The following CNTROB variants were observed in gnomAD, a reference collection of about 807,000 sequenced individuals.
CNTROB encodes the protein centrobin.
Under a neutral mutation model 115.7 loss-of-function variants are expected in CNTROB, and 82 were observed. That is an observed-to-expected ratio of 0.71 (90% CI 0.59 to 0.85). The LOEUF (loss-of-function observed/expected upper bound fraction) is 0.85. CNTROB is among the 40% of genes least tolerant of loss of function. The pLI is 0.00. For synonymous variants in CNTROB, 439 were observed against 456.4 expected (o/e 0.96, Z 0.49); for missense variants, 1,014 against 1,144.4 (o/e 0.89, Z 1.64).
At chr17:7,942,553 C>T (rs1381261826) in intron 9 of CNTROB, among the ~76,000 whole-genome samples, 16 of 136,066 alleles carry the variant, frequency 1.2e-4, no homozygotes, top group African/African-American at 3.9e-4. Context: ...GCCGAGATCG[C>T]GCCACTGCAC....
Position 7,949,559 on chromosome 17 carries a change from T to C in CNTROB, c.*49T>C, listed in dbSNP as rs759125584. On this transcript the variant is annotated 3_prime_UTR_variant, in exon 19 of 19. Transcript: ENST00000563694. ...TGTTCTCTCATTGTTGTTATTTTAA[T>C]AAATGCTCATTAGTCTGTATCAGAG... The C allele has an allele frequency of 2.6e-5, 41 of 1,547,392 alleles. No homozygotes were observed. Among genetic ancestry groups the C allele is most frequent in the Non-Finnish European group, 3.3e-5 (38 of 1,145,562 alleles).
In CNTROB at chr17:7,939,470, T is replaced by C. The variant is rs1486554788; in HGVS notation, c.928-43T>C. The C allele has an allele frequency of 3.9e-6, 6 of 1,551,390 alleles. No individual in the cohort carries two copies. In the African/African-American group the frequency reaches 6.8e-5, roughly 18 times the overall value. On this transcript the variant is annotated intron_variant, in intron 7 of 18. Coordinates refer to ENST00000563694, the MANE Select transcript of CNTROB (RefSeq NM_053051.5). The surrounding 1 kb of genome is among the most constrained non-coding windows in gnomAD (Gnocchi z 4.4). ...GGTCAGAGGGCAGATCGCTGGTCTC[T>C]GAAGAGCCTACTAAGGAGCTTGGTT...
rs754418531 is a variant in CNTROB, at chr17:7,947,551, A to G, written c.1994-20A>G. ...CCCCTGAACACACTTGCACCCACCCATACCTGTTTCACTTTATAGCTGGGG... is the reference window on the plus strand; with the variant it reads ...CCCCTGAACACACTTGCACCCACCCGTACCTGTTTCACTTTATAGCTGGGG... On this transcript the variant is annotated intron_variant, in intron 13 of 18. Transcript: ENST00000563694. 1.9e-6 allele frequency: 3 copies of G among 1,589,838 alleles called. No homozygotes were observed. The highest frequency in any genetic ancestry group is 2.6e-6 in the Non-Finnish European group (3 of 1,164,094).
intron 9 of CNTROB, among the ~76,000 whole-genome samples, chr17:7,940,555 G>A (rs1254843889): frequency 1.3e-5 from 2 of 152,208 alleles, no homozygotes; most frequent in African/African-American, 2.4e-5. Flanking sequence ...GCAGGTGAAA[G>A]CTTTTGTCAG....
rs1972746625 is a variant in CNTROB, at chr17:7,933,324, GA to G, written c.246del (p.Leu83TrpfsTer5). ...AQELSRSLSV[G>X]LEKNLKKKDG... is the part of the protein sequence containing the mutation. Reference sequence around the variant, plus strand: ...GAATTGAGTCGAAGCTTGTCAGTCGGATTGGAAAAGAACTTGAAGAAAAAGG... The same window carrying G: ...GAATTGAGTCGAAGCTTGTCAGTCGGTTGGAAAAGAACTTGAAGAAAAAGG... On this transcript the variant is annotated frameshift_variant, in exon 1 of 19. Transcript: ENST00000563694. LOFTEE classifies it high-confidence loss of function. 6.2e-7 allele frequency: 1 copy of G among 1,613,738 alleles called. No homozygotes were observed. Among genetic ancestry groups the G allele is most frequent in the Non-Finnish European group, 8.5e-7 (1 of 1,179,850 alleles).
At chr17:7,934,328 A>G in intron 2 of CNTROB, 106 bp downstream of exon 2, 2 of 1,359,218 alleles carry the variant, frequency 1.5e-6, no homozygotes, top group Non-Finnish European at 2.1e-6. Context: ...AAGAGATTTC[A>G]GGAGAAAAGT....
At chr17:7,941,286 G>A (rs1486205699) in intron 9 of CNTROB, among the ~76,000 whole-genome samples, 1 of 152,186 alleles carries the variant, frequency 6.6e-6, no homozygotes, top group Non-Finnish European at 1.5e-5. Context: ...GGAGGTACCA[G>A]TGAGGCCAGC....
At position 7,934,979 on chromosome 17, in the gene CNTROB, A is replaced by C. The variant is rs1428903059; in HGVS notation, c.438-10A>C. ...TCCCAGCCCTAACATTCTCTACCTG[A>C]TTTGCTCAGCACCCGGCCCCTGCAA... On this transcript the variant is annotated splice_polypyrimidine_tract_variant and intron_variant, in intron 3 of 18. Coordinates refer to ENST00000563694, the MANE Select transcript of CNTROB (RefSeq NM_053051.5). 3.2e-6 allele frequency: 5 copies of C among 1,563,946 alleles called. No individual in the cohort carries two copies. The highest frequency in any genetic ancestry group is 1.7e-4 in the Middle Eastern group (1 of 5,824).
chr17:7,945,967 A>G lies in CNTROB; in HGVS notation c.1974A>G (p.Pro658=). ...QHSFQPLEPK[P]DLTSSTAGAF... ...CTTTCCAGCCCCTGGAGCCCAAACCAGACCTCACTTCATCCACAGGTAACT... is the reference window on the plus strand; with the variant it reads ...CTTTCCAGCCCCTGGAGCCCAAACCGGACCTCACTTCATCCACAGGTAACT... The change falls in exon 13 of 19, where the codon CCA becomes CCG. Residue 658 remains proline, a synonymous_variant. Transcript: ENST00000563694. 2 of 1,614,174 alleles carry G rather than the reference A, an allele frequency of 1.2e-6. No homozygotes were observed. Among genetic ancestry groups the G allele is most frequent in the Non-Finnish European group, 1.7e-6 (2 of 1,179,984 alleles).
chr17:7,934,586 T>G (rs1463799334), intron 3 of CNTROB, 40 bp downstream of exon 3: 9 of 1,554,908 alleles, frequency 5.8e-6, no homozygotes, highest in Non-Finnish European at 8.0e-6. Flanking sequence ...GTTTGCTTTC[T>G]TGGAAATCCA....
Position 7,934,976 on chromosome 17 carries a change from C to G in CNTROB, c.438-13C>G. On this transcript the variant is annotated splice_polypyrimidine_tract_variant and intron_variant, in intron 3 of 18. Coordinates refer to ENST00000563694, the MANE Select transcript of CNTROB (RefSeq NM_053051.5). The stretch of plus-strand genomic sequence containing the variant: ...CTTTCCCAGCCCTAACATTCTCTAC[C>G]TGATTTGCTCAGCACCCGGCCCCTG... 1 of 1,558,246 alleles carries G rather than the reference C, an allele frequency of 6.4e-7. No individual in the cohort carries two copies. The highest frequency in any genetic ancestry group is 8.7e-7 in the Non-Finnish European group (1 of 1,153,614).
In CNTROB at chr17:7,948,407, C is replaced by T; in HGVS notation, c.2380+80C>T. 8 of 1,608,440 alleles carry T rather than the reference C, an allele frequency of 5.0e-6. No individual in the cohort carries two copies. The highest frequency in any genetic ancestry group is 6.0e-6 in the Non-Finnish European group (7 of 1,175,228). On this transcript the variant is annotated intron_variant, in intron 16 of 18. Transcript: ENST00000563694. This position sits in a 1 kb window ranked among gnomAD's most constrained non-coding sequence, Gnocchi z 4.4. ...TCCAGTACAGGCACTTACAGTCCTT[C>T]TGAATTCCTGGGGAAATGGGCTGAG... is the stretch of plus-strand genomic sequence containing the variant.
At chr17:7,942,992 G>A (rs929158910) in intron 9 of CNTROB, among the ~76,000 whole-genome samples, 4 of 150,756 alleles carry the variant, frequency 2.7e-5, no homozygotes, top group African/African-American at 9.8e-5. Context: ...TAGTAGAAAC[G>A]GGGTTTCACC....
At position 7,947,962 on chromosome 17, in the gene CNTROB, T is replaced by A; in HGVS notation, c.2192T>A (p.Leu731Gln). 6.2e-7 allele frequency: 1 copy of A among 1,613,854 alleles called. No individual in the cohort carries two copies. The highest frequency in any genetic ancestry group is 1.3e-5 in the African/African-American group (1 of 75,006). ...PQNNENPSVD[L>Q]LPPKSGPLTV... Reference sequence around the variant, plus strand: ...AACAATGAGAACCCTTCTGTCGACCTGTTGCCCCCTAAGTCTGGTGAGTTC... The same window carrying A: ...AACAATGAGAACCCTTCTGTCGACCAGTTGCCCCCTAAGTCTGGTGAGTTC... The change falls in exon 15 of 19, where the codon CTG (leucine) becomes CAG (glutamine). Residue 731 changes from leucine to glutamine, a missense_variant. Physicochemically the swap from Leu to Gln is moderately radical, Grantham distance 113. Transcript: ENST00000563694.
Position 7,932,882 on chromosome 17 carries a change from C to T in CNTROB, c.-198C>T. On this transcript the variant is annotated 5_prime_UTR_variant, in exon 1 of 19. Coordinates refer to ENST00000563694, the MANE Select transcript of CNTROB (RefSeq NM_053051.5). ...AGCTGGGGAAAGGGATGCTTTTGCC[C>T]ACTCCCATGGCCCCTGGAACTGGTG... The T allele has an allele frequency of 1.5e-5, 9 of 602,834 alleles. No individual in the cohort carries two copies. The South Asian group carries it at 1.9e-4, about 13-fold the overall frequency. The allele number at this position is 602,834 out of a possible 1,614,324, so 37.3% of individuals were successfully genotyped here.
At chr17:7,934,825 G>C (rs1972948653) in intron 3 of CNTROB, 164 bp from the exon 4 acceptor site, 1 of 802,294 alleles carries the variant, frequency 1.2e-6, no homozygotes, top group African/African-American at 1.7e-5. Context: ...GTGAATCACA[G>C]ACCTGTGTGT....
At position 7,943,240 on chromosome 17, in the gene CNTROB, A is replaced by G. The variant is rs916656798; in HGVS notation, c.1312-151A>G. 68 of 560,026 alleles carry G rather than the reference A, an allele frequency of 1.2e-4. No individual in the cohort carries two copies. The highest frequency in any genetic ancestry group is 1.2e-3 in the African/African-American group (63 of 52,750). 34.7% of individuals were successfully genotyped at this position (560,026 alleles called of 1,614,324 possible). A position where few individuals can be genotyped will look rare whatever the true frequency, so the allele number is the denominator to read the frequency against. On this transcript the variant is annotated intron_variant, in intron 9 of 18. Coordinates refer to ENST00000563694, the MANE Select transcript of CNTROB (RefSeq NM_053051.5). This position sits in a 1 kb window ranked among gnomAD's most constrained non-coding sequence, Gnocchi z 4.7. ...TAAAGTGCGAATATCTTAATAAGGA[A>G]AGGGAACCTCTTTCACTCCTTGAGG...
At chr17:7,936,148 C>T (rs902518375) in intron 4 of CNTROB, 14 of 515,970 alleles carry the variant, frequency 2.7e-5, no homozygotes, top group Non-Finnish European at 3.5e-5. Context: ...GGAATCTAAG[C>T]ACTTATCTCC....
intron 9 of CNTROB, among the ~76,000 whole-genome samples, chr17:7,942,452 C>T (rs993995031): frequency 6.6e-6 from 1 of 151,812 alleles, no homozygotes; most frequent in African/African-American, 2.4e-5. Flanking sequence ...AAAAAATTAG[C>T]TGGGCGTGGT....
Sources: gnomAD v4.1 joint callset for allele counts (sites outside exome capture counted in the v4.1 genomes callset) on GRCh38, gnomAD v4.1.1 for gene constraint, Gnocchi (gnomAD v3.1) non-coding constraint, MANE v1.5 for transcripts, NCBI Gene and HGNC (gene_info 2026-07-23, HGNC 2026-07-21) for gene names.